The following RCAN2 variants were observed in gnomAD, a reference collection of about 807,000 sequenced individuals.
RCAN2 encodes regulator of calcineurin 2, also known as calcipressin-2.
Under a neutral mutation model 23.6 loss-of-function variants are expected in RCAN2, and 9 were observed. The observed-to-expected ratio is 0.38, with a 90% CI of 0.23 to 0.67. The LOEUF (loss-of-function observed/expected upper bound fraction) is 0.67, where lower values mean the gene tolerates loss of function less well. RCAN2 is among the 30% of genes least tolerant of loss of function. RCAN2 has a pLI of 0.51. For missense variants in RCAN2, 273 were observed against 302.3 expected (o/e 0.90, Z 0.72); for synonymous variants, 109 against 115.7 (o/e 0.94, Z 0.37).
At chr6:46,342,831 T>A (rs902809424) in intron 2 of RCAN2, among the ~76,000 whole-genome samples, 6 of 151,862 alleles carry the variant, frequency 4.0e-5, no homozygotes, top group African/African-American at 7.3e-5. Flanking sequence ...TGGATCAGAA[T>A]CCCAAAGAGT....
Position 46,221,654 on chromosome 6 carries a change from TAACA to T in RCAN2, c.*1483_*1486del, listed in dbSNP as rs1448443836. 1 of 338,228 alleles carries T rather than the reference TAACA, an allele frequency of 3.0e-6. No homozygotes were observed. The highest frequency in any genetic ancestry group is 5.3e-6 in the Non-Finnish European group (1 of 188,014). The allele number at this position is 338,228 out of a possible 1,614,324, so 21.0% of individuals were successfully genotyped here. On this transcript the variant is annotated 3_prime_UTR_variant, in exon 5 of 5. Transcript: ENST00000371374. ...CTATGTTTTAAGTTTCTGATGAAAC[TAACA>T]TACACCTTAGTCAAAAACCACAACA...
chr6:46,428,896 A>G (rs574975878), intron 2 of RCAN2, among the ~76,000 whole-genome samples: 1 of 152,164 alleles, frequency 6.6e-6, no homozygotes, highest in South Asian at 2.1e-4. Flanking sequence ...CTCTTCTACC[A>G]TGGTTTATAC....
At chr6:46,357,323 G>A (rs1214864755) in intron 2 of RCAN2, among the ~76,000 whole-genome samples, 3 of 152,174 alleles carry the variant, frequency 2.0e-5, no homozygotes, top group African/African-American at 7.2e-5. Context: ...TTCTGCTTAT[G>A]CCATTAAAAT....
chr6:46,388,942 A>T (rs944249001), intron 2 of RCAN2, among the ~76,000 whole-genome samples: 3 of 152,198 alleles, frequency 2.0e-5, no homozygotes, highest in African/African-American at 7.2e-5. Context: ...CTGCACGTGT[A>T]TCCCAGAACT....
At chr6:46,259,257 G>T (rs4143825) in intron 2 of RCAN2, among the ~76,000 whole-genome samples, 1 of 151,998 alleles carries the variant, frequency 6.6e-6, no homozygotes, top group East Asian at 1.9e-4. Context: ...TTTTAAGAAT[G>T]AGAACAAAAA....
chr6:46,467,073 G>A (rs912553925), intron 1 of RCAN2, among the ~76,000 whole-genome samples: 1 of 152,046 alleles, frequency 6.6e-6, no homozygotes, highest in Non-Finnish European at 1.5e-5. Context: ...ATTGTCTTGC[G>A]CTTGCACCTC....
At chr6:46,250,501 T>C (rs574725478) in intron 2 of RCAN2, among the ~76,000 whole-genome samples, 5 of 152,184 alleles carry the variant, frequency 3.3e-5, no homozygotes, top group Non-Finnish European at 7.3e-5. Context: ...CATAGAATTT[T>C]AACTAGGAAT....
chr6:46,311,117 G>T (rs1176847485), intron 2 of RCAN2, among the ~76,000 whole-genome samples: 1 of 152,162 alleles, frequency 6.6e-6, no homozygotes. Flanking sequence ...TCCCAAGACT[G>T]CAAAATTAGT....
intron 2 of RCAN2, chr6:46,325,672 C>A (rs113743750): frequency 4.3e-6 from 6 of 1,384,786 alleles, no homozygotes; most frequent in Non-Finnish European, 4.7e-6. Context: ...AGCAGAGTAA[C>A]GAACGGCCCG....
intron 2 of RCAN2, among the ~76,000 whole-genome samples, chr6:46,327,316 G>A (rs1186706593): frequency 6.6e-6 from 1 of 151,292 alleles, no homozygotes; most frequent in South Asian, 2.1e-4. Context: ...GGAAATTTCT[G>A]CTCTGACCTT....
At chr6:46,235,619 T>G (rs1766063822) in intron 4 of RCAN2, among the ~76,000 whole-genome samples, 1 of 152,222 alleles carries the variant, frequency 6.6e-6, no homozygotes, top group Non-Finnish European at 1.5e-5. Context: ...ATCACGCTTC[T>G]TAGAATTGCC....
At chr6:46,478,799 G>T (rs1768780871) in intron 1 of RCAN2, among the ~76,000 whole-genome samples, 1 of 152,202 alleles carries the variant, frequency 6.6e-6, no homozygotes, top group African/African-American at 2.4e-5. Flanking sequence ...GATCTTTTAA[G>T]CCAGAAGCTT....
intron 2 of RCAN2, among the ~76,000 whole-genome samples, chr6:46,444,904 G>A (rs73454967): frequency 0.067 from 10,179 of 152,002 alleles, 464 homozygotes; most frequent in African/African-American, 0.12. Context: ...CTGCATATCC[G>A]GCCCCCAGGC....
chr6:46,387,615 G>A (rs1354728660), intron 2 of RCAN2, among the ~76,000 whole-genome samples: 1 of 152,180 alleles, frequency 6.6e-6, no homozygotes, highest in African/African-American at 2.4e-5. Flanking sequence ...AGGTGCTGGA[G>A]AGGATGTGGA....
At chr6:46,249,337 T>A (rs1582029328) in intron 2 of RCAN2, among the ~76,000 whole-genome samples, 1 of 104,106 alleles carries the variant, frequency 9.6e-6, no homozygotes, top group Admixed American at 9.4e-5. Flanking sequence ...TTTTTTTTTT[T>A]AGACAGAGTC....
At chr6:46,448,521 A>G (rs1042719401) in intron 2 of RCAN2, among the ~76,000 whole-genome samples, 1 of 151,856 alleles carries the variant, frequency 6.6e-6, no homozygotes, top group African/African-American at 2.4e-5. Flanking sequence ...CAACTACACT[A>G]CAAGACAAGA....
chr6:46,362,984 C>CT (rs1765059025), intron 2 of RCAN2, among the ~76,000 whole-genome samples: 1 of 151,994 alleles, frequency 6.6e-6, no homozygotes, highest in South Asian at 2.1e-4. Context: ...TTAAATTGGA[C>CT]TTTTTAACAG....
chr6:46,405,791 T>C (rs1486871769), intron 2 of RCAN2, among the ~76,000 whole-genome samples: 2 of 152,156 alleles, frequency 1.3e-5, no homozygotes, highest in Non-Finnish European at 2.9e-5. Context: ...GGGTGGTCCA[T>C]GGGACTGGGC....
chr6:46,410,736 T>C (rs1271567062), intron 2 of RCAN2, among the ~76,000 whole-genome samples: 1 of 152,202 alleles, frequency 6.6e-6, no homozygotes, highest in African/African-American at 2.4e-5. Flanking sequence ...AAAAATCCCA[T>C]CTTATAACAG....
Sources: allele counts gnomAD v4.1 joint callset (sites outside exome capture counted in the v4.1 genomes callset), GRCh38; gene constraint gnomAD v4.1.1; transcripts MANE v1.5; gene names NCBI Gene and HGNC (gene_info 2026-07-23, HGNC 2026-07-21).